The following DIDO1 variants were observed in gnomAD, a reference collection of about 807,000 sequenced individuals.
The protein encoded by DIDO1 is death inducer-obliterator 1, also known as death-inducer obliterator 1.
Under a neutral mutation model 99.4 loss-of-function variants are expected in DIDO1, and 16 were observed. The observed-to-expected ratio is 0.16, with a 90% CI of 0.11 to 0.24. DIDO1 has a LOEUF of 0.24. Among genes scored for constraint, DIDO1 ranks in the 10% least tolerant of loss-of-function variants. The probability of loss-of-function intolerance (pLI) is 1.00; values close to 1 mark genes in which losing one functional copy is unlikely to be tolerated. For missense variants in DIDO1, 2,996 were observed against 3,014.0 expected, an observed-to-expected ratio of 0.99 and a Z score of 0.14; for synonymous variants, 1,366 against 1,239.1, an observed-to-expected ratio of 1.10 and a Z score of -2.15.
At chr20:62,902,744 T>C (rs891105088) in intron 6 of DIDO1, among the ~76,000 whole-genome samples, 1 of 152,226 alleles carries the variant, frequency 6.6e-6, no homozygotes, top group Admixed American at 6.5e-5. Flanking sequence ...CTGGGCACCA[T>C]GCTTAACACA....
chr20:62,922,211 C>CATATAT lies in DIDO1; in HGVS notation c.-200+4222_-200+4227dup, dbSNP rs201568138. Among the ~76,000 whole-genome samples the CATATAT allele has an allele frequency of 9.1e-4, 83 of 91,006 alleles. 1 individual carries two copies. Among genetic ancestry groups the CATATAT allele is most frequent in the African/African-American group, 2.8e-3 (67 of 23,688 alleles). 59.7% of individuals were successfully genotyped at this position (91,006 alleles called of 152,430 possible). ...GTGTGTGTGTGTATATATATATGTA[C>CATATAT]ATATATATACACACACACACATATA... On this transcript the variant is annotated intron_variant, in intron 1 of 15. Coordinates refer to ENST00000395343, the MANE Select transcript of DIDO1 (RefSeq NM_001193369.2).
At chr20:62,925,421 T>C (rs2065233260) in intron 1 of DIDO1, among the ~76,000 whole-genome samples, 1 of 152,210 alleles carries the variant, frequency 6.6e-6, no homozygotes, top group African/African-American at 2.4e-5. Context: ...TATAGCAAAG[T>C]TATGTGAATA....
chr20:62,905,728 G>C, intron 6 of DIDO1, 159 bp downstream of exon 6: 1 of 1,606,946 alleles, frequency 6.2e-7, no homozygotes, highest in Non-Finnish European at 8.5e-7. Flanking sequence ...GCAGCAGGAG[G>C]CATCCTGGAC....
intron 15 of DIDO1, among the ~76,000 whole-genome samples, chr20:62,884,108 C>T (rs1321933594): frequency 6.6e-6 from 1 of 152,202 alleles, no homozygotes; most frequent in African/African-American, 2.4e-5. Flanking sequence ...ACAGACACCA[C>T]GCTCACGTAA....
intron 15 of DIDO1, among the ~76,000 whole-genome samples, chr20:62,883,642 T>C (rs2064248920): frequency 6.6e-6 from 1 of 152,150 alleles, no homozygotes; most frequent in Admixed American, 6.5e-5. Flanking sequence ...CTGGCCAACA[T>C]GGTGAAACCC....
Position 62,910,872 on chromosome 20 carries a change from T to A in DIDO1, c.741A>T (p.Lys247Asn). 6.2e-7 allele frequency: 1 copy of A among 1,614,186 alleles called. No homozygotes were observed. Among genetic ancestry groups the A allele is most frequent in the Non-Finnish European group, 8.5e-7 (1 of 1,180,028 alleles). Reference protein sequence around the residue: ...KLEGKAAQDIKDEEPGDLGRP... With the variant: ...KLEGKAAQDINDEEPGDLGRP... ...GGCCCAAGTCTCCAGGCTCCTCATC[T>A]TTGATGTCCTGAGCCGCCTTTCCCT... Residue 247 changes from lysine (K) to asparagine (N), a missense_variant, in exon 3 of 16, where the codon AAA becomes AAT. Lys to Asn is a moderately conservative substitution (Grantham distance 94, BLOSUM62 0). Around this residue, in one of 5 missense-constraint regions of DIDO1, gnomAD observed 388 missense variants for 376.6 expected, o/e 1.03. Transcript: ENST00000395343.
intron 6 of DIDO1, among the ~76,000 whole-genome samples, chr20:62,901,956 G>A (rs2064693031): frequency 6.6e-6 from 1 of 152,000 alleles, no homozygotes; most frequent in Non-Finnish European, 1.5e-5. Flanking sequence ...ATGCCGAGGA[G>A]GCTTTCCCGA....
chr20:62,901,538 G>T (rs1184251545), intron 6 of DIDO1, among the ~76,000 whole-genome samples: 1 of 142,170 alleles, frequency 7.0e-6, no homozygotes, highest in African/African-American at 2.6e-5. Context: ...CATGTTAGGG[G>T]CATGTTAAAA....
intron 15 of DIDO1, among the ~76,000 whole-genome samples, chr20:62,883,075 C>A (rs1399266863): frequency 6.6e-6 from 1 of 151,988 alleles, no homozygotes; most frequent in Non-Finnish European, 1.5e-5. Flanking sequence ...AGGCATGCAC[C>A]ACTATGCCTG....
At chr20:62,883,520 G>A (rs903850310) in intron 15 of DIDO1, among the ~76,000 whole-genome samples, 6 of 151,566 alleles carry the variant, frequency 4.0e-5, no homozygotes, top group East Asian at 2.0e-4. Flanking sequence ...GTGAAACCCC[G>A]TCTCTACTAA....
rs755575095 is a variant in DIDO1, at chr20:62,891,099, G to A, written c.3402C>T (p.Ile1134=). 19 of 1,614,172 alleles carry A rather than the reference G, an allele frequency of 1.2e-5. No individual in the cohort carries two copies. Among genetic ancestry groups the A allele is most frequent in the Non-Finnish European group, 1.5e-5 (18 of 1,180,046 alleles). The change falls in exon 15 of 16, where the codon ATC becomes ATT. Residue 1134 remains isoleucine (I), a synonymous_variant. Coordinates refer to ENST00000395343, the MANE Select transcript of DIDO1 (RefSeq NM_001193369.2). ...GGCTGCTGAAATAGGAGTAGAGAGA[G>A]ATATAGGCGACCTCCTCTTCCTCTG... is the stretch of plus-strand genomic sequence containing the variant. ...PATEEEEVAY[I]SLYSYFSSRG...
intron 1 of DIDO1, among the ~76,000 whole-genome samples, chr20:62,915,094 C>T (rs1163070817): frequency 1.3e-5 from 2 of 152,216 alleles, no homozygotes; most frequent in East Asian, 3.8e-4. Context: ...ACCTCTTCCT[C>T]AGCCTCAAGA....
rs1445944343 is a variant in DIDO1, at chr20:62,887,446, C to A, written c.3541+3514G>T. ...GATTCAAACATTCTTCCCAGAAGAG[C>A]TTTCTAATGTATAAAGACCTCAGAG... On this transcript the variant is annotated intron_variant, in intron 15 of 15. Coordinates refer to ENST00000395343, the MANE Select transcript of DIDO1 (RefSeq NM_001193369.2). 5 of 985,328 alleles carry A rather than the reference C, an allele frequency of 5.1e-6. No individual in the cohort carries two copies. In the African/African-American group the frequency reaches 8.7e-5, roughly 17 times the overall value. The allele number at this position is 985,328 out of a possible 1,614,324, so 61.0% of individuals were successfully genotyped here.
chr20:62,918,000 A>G (rs961481238), intron 1 of DIDO1, among the ~76,000 whole-genome samples: 1 of 152,232 alleles, frequency 6.6e-6, no homozygotes, highest in Non-Finnish European at 1.5e-5. Flanking sequence ...TACACTGGAT[A>G]TGTGCAAAGC....
chr20:62,918,461 A>T (rs148296421), intron 1 of DIDO1, among the ~76,000 whole-genome samples: 498 of 152,342 alleles, frequency 3.3e-3, no homozygotes, highest in African/African-American at 0.011. Flanking sequence ...CAGTTCCAAA[A>T]ACTTGAGACT....
Position 62,896,167 on chromosome 20 carries a change from G to A in DIDO1, c.2214+66C>T. On this transcript the variant is annotated intron_variant, in intron 8 of 15. Coordinates refer to ENST00000395343, the MANE Select transcript of DIDO1 (RefSeq NM_001193369.2). The surrounding 1 kb of genome is among the most constrained non-coding windows in gnomAD (Gnocchi z 4.4). Reference sequence around the variant, plus strand: ...AGGACACGAACATCTCAAAATATTGGTTGATCCCTTTAGCACCCAGCGAAC... The same window carrying A: ...AGGACACGAACATCTCAAAATATTGATTGATCCCTTTAGCACCCAGCGAAC... 4 of 1,465,294 alleles carry A rather than the reference G, an allele frequency of 2.7e-6. No homozygotes were observed. In the African/African-American group the frequency reaches 4.3e-5, roughly 16 times the overall value. The allele number at this position is 1,465,294 out of a possible 1,614,324, so 90.8% of individuals were successfully genotyped here.
chr20:62,916,568 T>C (rs755572683), intron 1 of DIDO1, among the ~76,000 whole-genome samples: 2 of 152,232 alleles, frequency 1.3e-5, no homozygotes, highest in Non-Finnish European at 2.9e-5. Context: ...TATCTTTAAA[T>C]GAAAGTTATT....
At chr20:62,890,503 A>G (rs776202788) in intron 15 of DIDO1, 341 of 992,590 alleles carry the variant, frequency 3.4e-4, no homozygotes, top group Non-Finnish European at 3.9e-4. Flanking sequence ...TTCTAGAAAT[A>G]GTTTTCTATG....
chr20:62,889,174 C>T lies in DIDO1; in HGVS notation c.3541+1786G>A, dbSNP rs557972968. The T allele has an allele frequency of 7.7e-4, 762 of 985,596 alleles. 6 individuals are homozygous for T. In the African/African-American group the frequency reaches 8.6e-3, roughly 11 times the overall value. The allele number at this position is 985,596 out of a possible 1,614,324, so 61.1% of individuals were successfully genotyped here. ...AGGTGAGTGACCCCAGCCCAGCCCT[C>T]CTTGTCCCGGTGCCATCCGGGAGGT... On this transcript the variant is annotated intron_variant, in intron 15 of 15. Transcript: ENST00000395343.
Sources: allele counts gnomAD v4.1 joint callset (sites outside exome capture counted in the v4.1 genomes callset), GRCh38; gene constraint gnomAD v4.1.1; regional missense constraint gnomAD v4.1.1; non-coding constraint Gnocchi (gnomAD v3.1); transcripts MANE v1.5; gene names NCBI Gene and HGNC (gene_info 2026-07-23, HGNC 2026-07-21).